The following ADGRG1 variants were observed in gnomAD, a reference collection of about 807,000 sequenced individuals.
ADGRG1 encodes the protein 7-transmembrane protein with no EGF-like N-terminal domains-1.
A neutral mutation model predicts 73.5 loss-of-function variants in ADGRG1; 53 were observed. The ratio of observed to expected loss-of-function variants is 0.72; its 90% CI spans 0.58 to 0.91. The LOEUF (loss-of-function observed/expected upper bound fraction) is 0.91. Ranked by LOEUF, ADGRG1 falls within the 40% of genes least tolerant of loss-of-function variation. The pLI is 0.00. For missense variants in ADGRG1, 795 were observed against 871.8 expected (o/e 0.91, Z 1.11); for synonymous variants, 394 against 374.4 (o/e 1.05, Z -0.60).
At chr16:57,658,542 A>C (rs2046305353) in intron 10 of ADGRG1, among the ~76,000 whole-genome samples, 1 of 152,182 alleles carries the variant, frequency 6.6e-6, no homozygotes, top group East Asian at 1.9e-4. Context: ...TGCCTATATG[A>C]CTGTCCTGTG....
rs551475682 is a variant in ADGRG1, at chr16:57,628,708, C to G, written c.-130C>G. Reference sequence around the variant, plus strand: ...GCTCTCCAGCTCACTCGGCAGGCAGCGGGGACCAGGGCTGGCAGGTTAAGC... The same window carrying G: ...GCTCTCCAGCTCACTCGGCAGGCAGGGGGGACCAGGGCTGGCAGGTTAAGC... On this transcript the variant is annotated 5_prime_UTR_variant, in exon 1 of 14. Coordinates refer to ENST00000562631, the MANE Select transcript of ADGRG1 (RefSeq NM_201525.4). The G allele has an allele frequency of 1.9e-4, 187 of 985,378 alleles. No individual in the cohort carries two copies. The highest frequency in any genetic ancestry group is 2.2e-4 in the Non-Finnish European group (182 of 829,968). 61.0% of individuals were successfully genotyped at this position (985,378 alleles called of 1,614,324 possible).
upstream of ADGRG1, chr16:57,628,275 T>G: frequency 2.3e-5 from 17 of 738,002 alleles, no homozygotes; most frequent in Non-Finnish European, 2.8e-5. Flanking sequence ...AAGGGCCCTG[T>G]TGCCGTGGCA....
At chr16:57,647,411 T>G in intron 1 of ADGRG1, 1 of 985,106 alleles carries the variant, frequency 1.0e-6, no homozygotes, top group Non-Finnish European at 1.2e-6. Flanking sequence ...CCCAGGGGGC[T>G]GAGTTAGGGG....
Position 57,656,556 on chromosome 16 carries a change from T to C in ADGRG1, c.1106T>C (p.Val369Ala), listed in dbSNP as rs1169428317. 2.5e-6 allele frequency: 4 copies of C among 1,613,870 alleles called. No homozygotes were observed. Among genetic ancestry groups the C allele is most frequent in the Non-Finnish European group, 1.7e-6 (2 of 1,179,828 alleles). The stretch of plus-strand genomic sequence containing the variant: ...TGGAGCAGTGCTGGGTGTGAGACCG[T>C]CAGGAGAGAAACCCAAACATCCTGC... ...GHWSSAGCET[V>A]RRETQTSCFC... Residue 369 changes from valine (V) to alanine (A), a missense_variant, in exon 9 of 14, where the codon GTC becomes GCC. Val to Ala is a moderately conservative substitution (Grantham distance 64). Coordinates refer to ENST00000562631, the MANE Select transcript of ADGRG1 (RefSeq NM_201525.4).
chr16:57,626,731 G>A, upstream of ADGRG1: 1 of 985,430 alleles, frequency 1.0e-6, no homozygotes, highest in African/African-American at 1.7e-5. Flanking sequence ...TGGTGGTGGT[G>A]GTGGGGGGAC....
intron 1 of ADGRG1, chr16:57,634,946 C>T (rs1373504814): frequency 9.1e-6 from 9 of 985,152 alleles, no homozygotes; most frequent in Non-Finnish European, 9.6e-6. Flanking sequence ...TTCCAAGGAA[C>T]CTCCACCATG....
chr16:57,663,169 T>C (rs2047659736), intron 13 of ADGRG1: 1 of 835,252 alleles, frequency 1.2e-6, no homozygotes, highest in Non-Finnish European at 1.4e-6. Flanking sequence ...GCCACGTCCC[T>C]TTACCTGAGC....
At chr16:57,661,300 A>G (rs747631048) in intron 12 of ADGRG1, 26 of 985,254 alleles carry the variant, frequency 2.6e-5, no homozygotes, top group Non-Finnish European at 3.1e-5. Context: ...GTTGAAGTCC[A>G]GTCCTTCTCC....
chr16:57,631,802 GC>G (rs1352298346), intron 1 of ADGRG1: 2 of 985,370 alleles, frequency 2.0e-6, no homozygotes, highest in Non-Finnish European at 2.4e-6. Context: ...CTGAGACCCT[GC>G]CCCTCCTCCT....
At chr16:57,656,404 G>A in intron 8 of ADGRG1, 110 bp from the exon 9 acceptor site, 1 of 1,609,254 alleles carries the variant, frequency 6.2e-7, no homozygotes, top group Non-Finnish European at 8.5e-7. Context: ...GCGATGGCAG[G>A]CTATGAGTAG....
chr16:57,630,802 G>C, intron 1 of ADGRG1: 1 of 323,142 alleles, frequency 3.1e-6, no homozygotes, highest in African/African-American at 2.2e-5. Context: ...GGAAGGGACT[G>C]ATGTCTGTAT....
chr16:57,635,146 A>G (rs1567687885), intron 1 of ADGRG1: 1 of 985,276 alleles, frequency 1.0e-6, no homozygotes, highest in Non-Finnish European at 1.2e-6. Context: ...TCCCTTATCC[A>G]ACAGGCTTGA....
At chr16:57,648,599 A>G (rs9923041) in intron 1 of ADGRG1, 15,251 of 984,760 alleles carry the variant, frequency 0.015, 441 homozygotes, top group East Asian at 0.12. Flanking sequence ...CCCTTCTTTT[A>G]ATGCTGCTCT....
chr16:57,649,323 GC>G lies in ADGRG1; in HGVS notation c.-35-928del, dbSNP rs1467387546. On this transcript the variant is annotated intron_variant, in intron 1 of 13. Coordinates refer to ENST00000562631, the MANE Select transcript of ADGRG1 (RefSeq NM_201525.4). Reference sequence around the variant, plus strand: ...ATCCAGCAACCTCTGTACAGCCAGGGCCTGCCCACAGAGATGGATCAGGTGC... The same window carrying G: ...ATCCAGCAACCTCTGTACAGCCAGGGCTGCCCACAGAGATGGATCAGGTGC... Among the ~76,000 whole-genome samples, 4 of 152,186 alleles carry G rather than the reference GC, an allele frequency of 2.6e-5. No individual in the cohort carries two copies. The South Asian group carries it at 8.3e-4, about 31-fold the overall frequency.
intron 1 of ADGRG1, chr16:57,641,029 T>C (rs765925814): frequency 1.4e-5 from 14 of 985,396 alleles, no homozygotes; most frequent in African/African-American, 1.7e-5. Flanking sequence ...GGGAGACGGT[T>C]CAGCATCCTC....
upstream of ADGRG1, chr16:57,622,936 T>C: frequency 1.0e-6 from 1 of 985,300 alleles, no homozygotes; most frequent in South Asian, 4.7e-5. Flanking sequence ...AGGGACAGGG[T>C]GACCCTGGGG....
In ADGRG1 at chr16:57,657,398, T is replaced by C. The variant is rs143257214; in HGVS notation, c.1193T>C (p.Val398Ala). The C allele has an allele frequency of 2.9e-5, 47 of 1,613,984 alleles. No homozygotes were observed. In the African/African-American group the frequency reaches 5.2e-4, roughly 18 times the overall value. ...GTCTCCTCGGTGGAGGTGGACGCCGTGCACAAGCACTACCTGAGCCTCCTC... is the reference window on the plus strand; with the variant it reads ...GTCTCCTCGGTGGAGGTGGACGCCGCGCACAAGCACTACCTGAGCCTCCTC... ...LMVSSVEVDAVHKHYLSLLSY... is the reference protein window; with the variant it reads ...LMVSSVEVDAAHKHYLSLLSY... The change falls in exon 10 of 14, where the codon GTG becomes GCG. Residue 398 changes from valine (V) to alanine (A), a missense_variant. By Grantham distance (64) the Val-to-Ala change is moderately conservative (BLOSUM62 0). Transcript: ENST00000562631.
rs537631827 is a variant in ADGRG1 at position 57,653,061 on chromosome 16, T to G, written c.488-142T>G. ...TGAGTGGCCTTGGCAGAGTCCACTCTGCTTCTTGAAGCCTCAGTTTCCCCT... is the reference window on the plus strand; with the variant it reads ...TGAGTGGCCTTGGCAGAGTCCACTCGGCTTCTTGAAGCCTCAGTTTCCCCT... On this transcript the variant is annotated intron_variant, in intron 3 of 13. Transcript: ENST00000562631. 2.6e-5 allele frequency: 40 copies of G among 1,551,068 alleles called. No homozygotes were observed. In the African/African-American group the frequency reaches 5.0e-4, roughly 19 times the overall value.
At chr16:57,651,146 T>C (rs1567750806) in intron 2 of ADGRG1, 54 bp from the exon 3 acceptor site, 1 of 1,611,262 alleles carries the variant, frequency 6.2e-7, no homozygotes, top group African/African-American at 1.3e-5. Context: ...TCCCCTTCCA[T>C]GCCTCTGGTC....
Sources: gnomAD v4.1 joint callset for allele counts (sites outside exome capture counted in the v4.1 genomes callset) on GRCh38, gnomAD v4.1.1 for gene constraint, MANE v1.5 for transcripts, NCBI Gene and HGNC (gene_info 2026-07-23, HGNC 2026-07-21) for gene names.